Variants in TUT1 observed in about 807,000 individuals in gnomAD.
TUT1 encodes the protein speckle targeted PIP5K1A-regulated poly(A) polymerase.
Under a neutral mutation model 48.8 loss-of-function variants are expected in TUT1, and 26 were observed. The ratio of observed to expected loss-of-function variants is 0.53; its 90% CI spans 0.39 to 0.74. TUT1 has a LOEUF of 0.74. Ranked by LOEUF, TUT1 falls within the 30% of genes least tolerant of loss-of-function variation. The probability of loss-of-function intolerance (pLI) is 0.00; values close to 1 mark genes in which losing one functional copy is unlikely to be tolerated. For synonymous variants in TUT1, 470 were observed against 460.8 expected (o/e 1.02, Z -0.26); for missense variants, 1,065 against 1,114.8 (o/e 0.96, Z 0.64).
intron 6 of TUT1, 63 bp from the exon 7 acceptor site, chr11:62,577,080 T>C: frequency 1.3e-6 from 2 of 1,593,180 alleles, no homozygotes; most frequent in Non-Finnish European, 1.7e-6. Flanking sequence ...CACTGGCAGT[T>C]TTCTCAACCC....
At chr11:62,589,338 A>G in intron 1 of TUT1, 117 bp from the exon 2 acceptor site, 2 of 927,322 alleles carry the variant, frequency 2.2e-6, no homozygotes, top group Non-Finnish European at 1.6e-6. Flanking sequence ...GTGACCTTTG[A>G]ATAAACAAAG....
At chr11:62,584,577 G>A (rs938478378) in intron 2 of TUT1, among the ~76,000 whole-genome samples, 2 of 150,708 alleles carry the variant, frequency 1.3e-5, no homozygotes, top group Admixed American at 6.6e-5. Context: ...CGAGTAGCTA[G>A]GATTATAGGT....
Position 62,575,356 on chromosome 11 carries a change from TG to T in TUT1, c.2362del (p.Gln788LysfsTer27), listed in dbSNP as rs768041389. 37 of 1,613,976 alleles carry T rather than the reference TG, an allele frequency of 2.3e-5. No individual in the cohort carries two copies. The highest frequency in any genetic ancestry group is 3.1e-5 in the Non-Finnish European group (36 of 1,180,036). The part of the protein sequence containing the change: ...RRRARRRLQQ[Q>X]TKEGAGGGAG... ...GCCACCTCCAGCTCCCTCCTTGGTT[TG>T]CTGCTGCAAGCGTCTACGGGCTCGC... is the stretch of plus-strand genomic sequence containing the variant. On this transcript the variant is annotated frameshift_variant, in exon 9 of 9. Coordinates refer to ENST00000476907, the MANE Select transcript of TUT1 (RefSeq NM_022830.3). LOFTEE classifies it low-confidence loss of function (END_TRUNC).
chr11:62,577,424 C>A lies in TUT1; in HGVS notation c.1161-133G>T, dbSNP rs1044730884. ...GAACAGTTTCCCCAAATGTTGCTCACTGATCTTGTGAGACAGTGTGCGAAA... is the reference window on the plus strand; with the variant it reads ...GAACAGTTTCCCCAAATGTTGCTCAATGATCTTGTGAGACAGTGTGCGAAA... On this transcript the variant is annotated intron_variant, in intron 5 of 8. Transcript: ENST00000476907. The A allele has an allele frequency of 8.5e-6, 6 of 708,874 alleles. No individual in the cohort carries two copies. The East Asian group carries it at 1.6e-4, about 19-fold the overall frequency. 43.9% of individuals were successfully genotyped at this position (708,874 alleles called of 1,614,324 possible).
At chr11:62,577,091 C>T (rs1009966619) in intron 6 of TUT1, 74 bp from the exon 7 acceptor site, 9 of 1,584,898 alleles carry the variant, frequency 5.7e-6, no homozygotes, top group Admixed American at 5.0e-5. Context: ...TTCTCAACCC[C>T]GGTGCCCATT....
At chr11:62,580,219 G>A (rs1443278094) in intron 4 of TUT1, among the ~76,000 whole-genome samples, 1 of 152,118 alleles carries the variant, frequency 6.6e-6, no homozygotes, top group Non-Finnish European at 1.5e-5. Flanking sequence ...AGCACTTTGG[G>A]AGGCCAAGGT....
Position 62,575,693 on chromosome 11 carries a change from C to T in TUT1, c.2026G>A (p.Glu676Lys). 1.2e-6 allele frequency: 2 copies of T among 1,614,158 alleles called. No homozygotes were observed. Among genetic ancestry groups the T allele is most frequent in the Non-Finnish European group, 1.7e-6 (2 of 1,179,996 alleles). ...QKNCCEEGKE[E>K]QQGCAGDGGE... is the part of the protein sequence containing the mutation. ...CCGTCCCCTGCACATCCCTGCTGCT[C>T]CTCTTTCCCCTCCTCACAGCAGTTT... The change falls in exon 9 of 9, where the codon GAG (glutamate) becomes AAG (lysine). Residue 676 changes from glutamate to lysine, a missense_variant. Physicochemically the swap from Glu to Lys is moderately conservative, Grantham distance 56. Coordinates refer to ENST00000476907, the MANE Select transcript of TUT1 (RefSeq NM_022830.3).
At chr11:62,580,902 G>A (rs1023525981) in intron 4 of TUT1, among the ~76,000 whole-genome samples, 4 of 152,034 alleles carry the variant, frequency 2.6e-5, no homozygotes, top group Non-Finnish European at 4.4e-5. Context: ...GAGCCACTGC[G>A]CCTGGCCCTG....
At chr11:62,585,224 G>C (rs1309607792) in intron 2 of TUT1, among the ~76,000 whole-genome samples, 1 of 152,042 alleles carries the variant, frequency 6.6e-6, no homozygotes, top group South Asian at 2.1e-4. Context: ...GGGCTCAAGC[G>C]AACCTCCCGC....
Position 62,575,996 on chromosome 11 carries a change from G to T in TUT1, c.1723C>A (p.Arg575=). The change falls in exon 9 of 9, where the codon CGA becomes AGA. Residue 575 remains arginine (R), a synonymous_variant. Coordinates refer to ENST00000476907, the MANE Select transcript of TUT1 (RefSeq NM_022830.3). ...GAACGGCGCTGGTACTGGAGGCTTC[G>T]GCAGTAATTGGCTGCTGCTCGGCAG... The part of the protein sequence containing the change: ...NCCRAAANYC[R]SLQYQRRSSR... 1.2e-6 allele frequency: 2 copies of T among 1,613,876 alleles called. No homozygotes were observed. The highest frequency in any genetic ancestry group is 1.7e-6 in the Non-Finnish European group (2 of 1,179,984).
rs1369475197 is a variant in TUT1, at chr11:62,581,656, C to A, written c.319G>T (p.Ala107Ser). The change falls in exon 3 of 9, where the codon GCT (alanine) becomes TCT (serine). Residue 107 changes from alanine to serine, a missense_variant. Ala to Ser is a moderately conservative substitution (Grantham distance 99). Coordinates refer to ENST00000476907, the MANE Select transcript of TUT1 (RefSeq NM_022830.3). The stretch of plus-strand genomic sequence containing the variant: ...CTGTGCTGGGACTGTGACAAGACAG[C>A]CTCTCGAGCACCCACGTCCCCCATC... ...VEMGDVGARE[A>S]VLSQSQHSLG... The A allele has an allele frequency of 6.6e-7, 1 of 1,510,574 alleles. No homozygotes were observed. Among genetic ancestry groups the A allele is most frequent in the Non-Finnish European group, 8.9e-7 (1 of 1,128,376 alleles). The allele number at this position is 1,510,574 out of a possible 1,614,324, so 93.6% of individuals were successfully genotyped here.
rs369681798 is a variant in TUT1 at position 62,575,458 on chromosome 11, G to A, written c.2261C>T (p.Ala754Val). 5.6e-6 allele frequency: 9 copies of A among 1,611,516 alleles called. 1 individual carries two copies. The South Asian group carries it at 8.8e-5, about 16-fold the overall frequency. Residue 754 changes from alanine to valine, a missense_variant, in exon 9 of 9, where the codon GCA (alanine) becomes GTA (valine). Physicochemically the swap from Ala to Val is moderately conservative, Grantham distance 64. Coordinates refer to ENST00000476907, the MANE Select transcript of TUT1 (RefSeq NM_022830.3). ...EAAQEWSQGE[A>V]GKGASLPSSA... is the part of the protein sequence containing the mutation. ...GGAGGGCAGGGATGCCCCCTTCCCT[G>A]CCTCACCCTGAGACCATTCTTGGGC...
chr11:62,579,414 A>G (rs997201609), intron 4 of TUT1, among the ~76,000 whole-genome samples: 2 of 152,214 alleles, frequency 1.3e-5, no homozygotes, highest in Admixed American at 1.3e-4. Context: ...ACACTAGAAT[A>G]CCTTTACACT....
Position 62,576,638 on chromosome 11 carries a change from C to A in TUT1, c.1474+19G>T. 3 of 1,609,128 alleles carry A rather than the reference C, an allele frequency of 1.9e-6. No homozygotes were observed. The highest frequency in any genetic ancestry group is 2.6e-6 in the Non-Finnish European group (3 of 1,175,618). ...GATGAACATCATTACTAGTCCTCTA[C>A]CAGGCTCCCCAAACTCACTGAGGGG... On this transcript the variant is annotated intron_variant, in intron 8 of 8. Transcript: ENST00000476907.
chr11:62,583,829 A>G (rs1428263682), intron 2 of TUT1, among the ~76,000 whole-genome samples: 1 of 152,234 alleles, frequency 6.6e-6, no homozygotes, highest in Non-Finnish European at 1.5e-5. Context: ...TCTTTGGTCA[A>G]CTGATTTTGA....
Position 62,576,020 on chromosome 11 carries a change from A to C in TUT1, c.1699T>G (p.Cys567Gly). The C allele has an allele frequency of 6.2e-7, 1 of 1,613,772 alleles. No homozygotes were observed. Among genetic ancestry groups the C allele is most frequent in the Non-Finnish European group, 8.5e-7 (1 of 1,179,992 alleles). ...CGGCAGTAATTGGCTGCTGCTCGGC[A>C]GCAGTTCTGTAGGCGCCCAGCCACC... ...SRVAGRLQNC[C>G]RAAANYCRSL... The change falls in exon 9 of 9, where the codon TGC (cysteine) becomes GGC (glycine). Residue 567 changes from cysteine (C) to glycine (G), a missense_variant. Cys to Gly is a radical substitution (Grantham distance 159). Coordinates refer to ENST00000476907, the MANE Select transcript of TUT1 (RefSeq NM_022830.3).
rs763298243 is a variant in TUT1 at position 62,591,450 on chromosome 11, C to G, written c.36G>C (p.Pro12=). Residue 12 remains proline, a synonymous_variant, in exon 1 of 9, where the codon CCG becomes CCC. Coordinates refer to ENST00000476907, the MANE Select transcript of TUT1 (RefSeq NM_022830.3). ...AGAGGCAGCAGCGGAACCCCCCACG[C>G]GGCAGCGATTCGACATCCGAATCCA... is the stretch of plus-strand genomic sequence containing the variant. ...AAVDSDVESL[P]RGGFRCCLCH... is the part of the protein sequence containing the mutation. The G allele has an allele frequency of 1.2e-6, 2 of 1,609,774 alleles. No homozygotes were observed. The highest frequency in any genetic ancestry group is 3.4e-5 in the Admixed American group (2 of 59,450).
intron 2 of TUT1, 56 bp from the exon 3 acceptor site, chr11:62,581,757 G>A (rs1941830931): frequency 7.7e-7 from 1 of 1,298,378 alleles, no homozygotes; most frequent in East Asian, 2.9e-5. Flanking sequence ...CTAAGCACGA[G>A]ATCTACAGTG....
Position 62,578,826 on chromosome 11 carries a change from G to C in TUT1, c.895C>G (p.Leu299Val). 6.2e-7 allele frequency: 1 copy of C among 1,614,128 alleles called. No individual in the cohort carries two copies. The highest frequency in any genetic ancestry group is 8.5e-7 in the Non-Finnish European group (1 of 1,179,998). Reference sequence around the variant, plus strand: ...GGAGGCAGAGACTGGGGAGAAGCAAGGGTCTCGGAGGCCAAGGCAGAGTCC... The same window carrying C: ...GGAGGCAGAGACTGGGGAGAAGCAACGGTCTCGGAGGCCAAGGCAGAGTCC... ...TPDSALASET[L>V]ASPQSLPPAS... Residue 299 changes from leucine to valine, a missense_variant, in exon 5 of 9, where the codon CTT (leucine) becomes GTT (valine). Coordinates refer to ENST00000476907, the MANE Select transcript of TUT1 (RefSeq NM_022830.3).
Sources: gnomAD v4.1 joint callset for allele counts (sites outside exome capture counted in the v4.1 genomes callset) on GRCh38, gnomAD v4.1.1 for gene constraint, MANE v1.5 for transcripts, NCBI Gene and HGNC (gene_info 2026-07-23, HGNC 2026-07-21) for gene names.